MAP3K20: variants seen among roughly 807,000 people sequenced by gnomAD.
The protein encoded by MAP3K20 is mitogen-activated protein kinase kinase kinase 20.
A neutral mutation model predicts 85.7 loss-of-function variants in MAP3K20; 40 were observed. The ratio of observed to expected loss-of-function variants is 0.47; its 90% CI spans 0.36 to 0.61. The LOEUF (loss-of-function observed/expected upper bound fraction) is 0.61. MAP3K20 is among the 20% of genes least tolerant of loss of function. The pLI, the probability that MAP3K20 is intolerant of heterozygous loss-of-function variation, is 0.00. For synonymous variants in MAP3K20, 325 were observed against 327.7 expected, an observed-to-expected ratio of 0.99 and a Z score of 0.09; for missense variants, 817 against 961.7, an observed-to-expected ratio of 0.85 and a Z score of 1.99.
intron 10 of MAP3K20, chr2:173,210,485 C>T (rs934935663): frequency 3.9e-5 from 6 of 152,452 alleles, no homozygotes; most frequent in East Asian, 1.9e-4. Context: ...CCTTGAAATT[C>T]GCTGAGCACT....
At chr2:173,082,677 G>A (rs1324464144) in intron 1 of MAP3K20, among the ~76,000 whole-genome samples, 2 of 152,142 alleles carry the variant, frequency 1.3e-5, no homozygotes, top group African/African-American at 4.8e-5. Context: ...TCCTCTTCTG[G>A]CCAAGCCCTA....
intron 8 of MAP3K20, 134 bp from the exon 9 acceptor site, chr2:173,203,662 A>G: frequency 1.5e-6 from 1 of 681,988 alleles, no homozygotes. Context: ...TCACATATTA[A>G]TCAATGGAAG....
At chr2:173,262,605 G>GAA (rs199907423) in intron 18 of MAP3K20, among the ~76,000 whole-genome samples, 10 of 140,866 alleles carry the variant, frequency 7.1e-5, no homozygotes, top group Non-Finnish European at 1.4e-4. Context: ...TCTCAAAAAA[G>GAA]AAAAAAAAAA....
chr2:173,119,514 C>G (rs1688218546), intron 2 of MAP3K20, among the ~76,000 whole-genome samples: 1 of 152,172 alleles, frequency 6.6e-6, no homozygotes, highest in Admixed American at 6.5e-5. Context: ...CCCTCCAGTG[C>G]ACTGTATTGA....
At chr2:173,168,825 A>T (rs1463269471) in intron 2 of MAP3K20, among the ~76,000 whole-genome samples, 1 of 152,156 alleles carries the variant, frequency 6.6e-6, no homozygotes, top group Non-Finnish European at 1.5e-5. Flanking sequence ...TTATGTAGAG[A>T]TCATCTTTCT....
intron 16 of MAP3K20, among the ~76,000 whole-genome samples, chr2:173,255,485 T>G (rs113330122): frequency 6.6e-6 from 1 of 152,196 alleles, no homozygotes. Context: ...AAAGGGAAAA[T>G]AGTCCTGACT....
At chr2:173,209,949 A>T in intron 10 of MAP3K20, 114 bp downstream of exon 10, 2 of 947,826 alleles carry the variant, frequency 2.1e-6, no homozygotes, top group Non-Finnish European at 3.3e-6. Context: ...ACCATAGCTT[A>T]GGGAAAAAGA....
At chr2:173,105,421 T>G (rs1240633944) in intron 2 of MAP3K20, among the ~76,000 whole-genome samples, 1 of 152,206 alleles carries the variant, frequency 6.6e-6, no homozygotes, top group Non-Finnish European at 1.5e-5. Context: ...AGGAGCAGGT[T>G]TGTGAGCAGG....
At chr2:173,159,485 G>T (rs1454717921) in intron 2 of MAP3K20, among the ~76,000 whole-genome samples, 2 of 151,214 alleles carry the variant, frequency 1.3e-5, no homozygotes, top group African/African-American at 4.9e-5. Flanking sequence ...GACCTCCTAG[G>T]TGCAAGTGAT....
intron 2 of MAP3K20, among the ~76,000 whole-genome samples, chr2:173,126,830 G>C (rs144735366): frequency 6.6e-6 from 1 of 152,360 alleles, no homozygotes; most frequent in Non-Finnish European, 1.5e-5. Flanking sequence ...CAGACATTCT[G>C]TAGGCAGCAT....
chr2:173,139,598 A>G (rs561477359), intron 2 of MAP3K20, among the ~76,000 whole-genome samples: 3 of 152,284 alleles, frequency 2.0e-5, no homozygotes, highest in South Asian at 4.1e-4. Flanking sequence ...CCTGATTGTT[A>G]TCTTACTTAT....
chr2:173,185,382 T>G (rs982006501), intron 4 of MAP3K20, among the ~76,000 whole-genome samples: 3 of 152,140 alleles, frequency 2.0e-5, no homozygotes, highest in African/African-American at 7.2e-5. Context: ...AAGAGGCTTG[T>G]ATGTTTATGG....
chr2:173,166,851 G>A (rs1471958608), intron 2 of MAP3K20: 2 of 150,764 alleles, frequency 1.3e-5, no homozygotes, highest in Non-Finnish European at 2.9e-5. Flanking sequence ...GGAAAACAAA[G>A]GAAAAACAGC....
intron 14 of MAP3K20, among the ~76,000 whole-genome samples, chr2:173,233,236 G>A (rs1342206304): frequency 2.0e-5 from 3 of 152,104 alleles, no homozygotes; most frequent in South Asian, 4.2e-4. Context: ...ATTTCTGCAT[G>A]GCCAAAGGGA....
chr2:173,197,887 T>C, intron 7 of MAP3K20, 139 bp from the exon 8 acceptor site: 1 of 529,664 alleles, frequency 1.9e-6, no homozygotes, highest in Non-Finnish European at 3.2e-6. Context: ...GTGTGCTTAA[T>C]TGTTTTGCCC....
At chr2:173,219,924 T>C (rs536130555) in intron 11 of MAP3K20, among the ~76,000 whole-genome samples, 121 of 151,930 alleles carry the variant, frequency 8.0e-4, no homozygotes, top group African/African-American at 2.6e-3. Flanking sequence ...AAAAATTAGC[T>C]GGGCGTGGTG....
intron 12 of MAP3K20, among the ~76,000 whole-genome samples, chr2:173,230,316 A>G (rs901799546): frequency 6.6e-6 from 1 of 152,084 alleles, no homozygotes; most frequent in African/African-American, 2.4e-5. Context: ...AACATACTTG[A>G]AAAAAAAGTG....
chr2:173,214,121 C>T (rs1464105533), intron 10 of MAP3K20, among the ~76,000 whole-genome samples: 2 of 152,208 alleles, frequency 1.3e-5, no homozygotes, highest in Non-Finnish European at 2.9e-5. Context: ...TTTTAGAAAA[C>T]TGAATGGTTA....
intron 2 of MAP3K20, among the ~76,000 whole-genome samples, chr2:173,148,251 A>G (rs924468370): frequency 2.0e-5 from 3 of 152,182 alleles, no homozygotes; most frequent in Non-Finnish European, 2.9e-5. Flanking sequence ...TTTAACAAAC[A>G]TACCCTTAAG....
Sources: gnomAD v4.1 joint callset for allele counts (sites outside exome capture counted in the v4.1 genomes callset) on GRCh38, gnomAD v4.1.1 for gene constraint, MANE v1.5 for transcripts, NCBI Gene and HGNC (gene_info 2026-07-23, HGNC 2026-07-21) for gene names.